MYO3B: variants seen among roughly 807,000 people sequenced by gnomAD.
The protein encoded by MYO3B is myosin IIIB.
Under a neutral mutation model 174.6 loss-of-function variants are expected in MYO3B, and 156 were observed. That is an observed-to-expected ratio of 0.89 (90% CI 0.78 to 1.02). The LOEUF is 1.02. MYO3B is among the 50% of genes least tolerant of loss of function. The probability of loss-of-function intolerance (pLI) is 0.00; values close to 1 mark genes in which losing one functional copy is unlikely to be tolerated. For missense variants in MYO3B, 1,632 were observed against 1,639.4 expected (o/e 1.00, Z 0.08); for synonymous variants, 563 against 569.1 (o/e 0.99, Z 0.15).
chr2:170,366,372 C>A (rs1307658893), intron 8 of MYO3B, among the ~76,000 whole-genome samples: 2 of 152,070 alleles, frequency 1.3e-5, no homozygotes, highest in African/African-American at 4.8e-5. Flanking sequence ...GGGATCATAG[C>A]TCACTGCAAT....
At chr2:170,227,125 A>T (rs2092959954) in intron 6 of MYO3B, among the ~76,000 whole-genome samples, 1 of 152,180 alleles carries the variant, frequency 6.6e-6, no homozygotes, top group Non-Finnish European at 1.5e-5. Flanking sequence ...TCCTTGCCTG[A>T]TGGCCACTGA....
intron 22 of MYO3B, among the ~76,000 whole-genome samples, chr2:170,425,093 C>T (rs1416003055): frequency 6.6e-6 from 1 of 152,136 alleles, no homozygotes; most frequent in Admixed American, 6.5e-5. Flanking sequence ...CATTTCCCTC[C>T]CTTAGTAACA....
chr2:170,331,064 A>G (rs2093908634), intron 7 of MYO3B, among the ~76,000 whole-genome samples: 1 of 152,174 alleles, frequency 6.6e-6, no homozygotes, highest in Non-Finnish European at 1.5e-5. Context: ...AATTAGGGAG[A>G]GTATTCTAAA....
intron 32 of MYO3B, among the ~76,000 whole-genome samples, chr2:170,606,277 T>G (rs1321495346): frequency 6.6e-6 from 1 of 152,234 alleles, no homozygotes; most frequent in Non-Finnish European, 1.5e-5. Flanking sequence ...ACTCCATTTC[T>G]TCAGCTTTAC....
At chr2:170,622,853 C>T (rs919047518) in intron 32 of MYO3B, among the ~76,000 whole-genome samples, 1 of 151,418 alleles carries the variant, frequency 6.6e-6, no homozygotes, top group Non-Finnish European at 1.5e-5. Flanking sequence ...AGGGTTTGCT[C>T]AGAATGATGG....
rs1043883178 is a variant in MYO3B at position 170,219,571 on chromosome 2, G to C, written c.603+2176G>C. ...AGGCAGGAGAATTGTTTGAACCCGG[G>C]AGGCAGAGGTTGCAGTGAGCAGAGA... On this transcript the variant is annotated intron_variant, in intron 6 of 34. Transcript: ENST00000408978. 2.6e-5 allele frequency among the ~76,000 whole-genome samples: 4 copies of C among 151,956 alleles called. No homozygotes were observed. In the East Asian group the frequency reaches 7.7e-4, roughly 29 times the overall value.
At chr2:170,627,437 T>A (rs1470139791) in intron 32 of MYO3B, among the ~76,000 whole-genome samples, 1 of 152,176 alleles carries the variant, frequency 6.6e-6, no homozygotes, top group South Asian at 2.1e-4. Context: ...TTGGTTATTC[T>A]AGTTAGCCAT....
intron 25 of MYO3B, among the ~76,000 whole-genome samples, chr2:170,477,928 CCTT>C (rs2106001218): frequency 6.6e-6 from 1 of 152,234 alleles, no homozygotes; most frequent in African/African-American, 2.4e-5. Context: ...CACCTTCTGA[CCTT>C]CTTTCATCCC....
chr2:170,212,235 C>T (rs1374490953), intron 3 of MYO3B, among the ~76,000 whole-genome samples: 1 of 123,646 alleles, frequency 8.1e-6, no homozygotes, highest in African/African-American at 3.2e-5. Context: ...AACAGTGAAA[C>T]TCCCTCTCAA....
intron 32 of MYO3B, among the ~76,000 whole-genome samples, chr2:170,593,149 G>T (rs915425196): frequency 1.3e-5 from 2 of 152,154 alleles, no homozygotes; most frequent in Non-Finnish European, 1.5e-5. Context: ...CCAGGGTGGA[G>T]TGTAGTGGCA....
intron 26 of MYO3B, 134 bp downstream of exon 26, chr2:170,498,837 G>T: frequency 1.6e-6 from 1 of 616,708 alleles, no homozygotes; most frequent in Admixed American, 2.8e-5. Context: ...GGTCTTTGCT[G>T]GTATTAAGTC....
At chr2:170,450,750 A>G (rs904332849) in intron 23 of MYO3B, among the ~76,000 whole-genome samples, 1 of 152,230 alleles carries the variant, frequency 6.6e-6, no homozygotes, top group African/African-American at 2.4e-5. Context: ...GTTTGACCAT[A>G]AGGTAAGATT....
intron 1 of MYO3B, among the ~76,000 whole-genome samples, chr2:170,195,529 A>G (rs2092589672): frequency 6.6e-6 from 1 of 152,026 alleles, no homozygotes; most frequent in South Asian, 2.1e-4. Flanking sequence ...AAATCCCCGC[A>G]TTCACCATCC....
At chr2:170,536,529 G>A (rs1181255374) in intron 30 of MYO3B, among the ~76,000 whole-genome samples, 2 of 152,118 alleles carry the variant, frequency 1.3e-5, no homozygotes, top group Non-Finnish European at 2.9e-5. Flanking sequence ...ATTCCTTCTT[G>A]TTTCCCTTAT....
intron 22 of MYO3B, chr2:170,412,510 A>G (rs1315530914): frequency 6.6e-6 from 1 of 152,210 alleles, no homozygotes; most frequent in Non-Finnish European, 1.5e-5. Context: ...AAAATCAACA[A>G]TAAAGTATCT....
At chr2:170,548,175 A>G (rs1214513882) in intron 32 of MYO3B, among the ~76,000 whole-genome samples, 2 of 148,216 alleles carry the variant, frequency 1.3e-5, no homozygotes, top group Non-Finnish European at 3.0e-5. Context: ...GTGGTGAGCC[A>G]GTTCACCATG....
chr2:170,646,686 G>A (rs535180882), intron 32 of MYO3B, among the ~76,000 whole-genome samples: 24 of 152,286 alleles, frequency 1.6e-4, no homozygotes, highest in African/African-American at 5.8e-4. Flanking sequence ...GTGAGCCACC[G>A]TGCCCAGCCA....
chr2:170,384,040 T>A (rs2048987), intron 12 of MYO3B: 164,541 of 460,908 alleles, frequency 0.36, 34,402 homozygotes, highest in East Asian at 0.8. Context: ...TCACATGAGG[T>A]GCGCTCATTT....
At chr2:170,305,733 A>G (rs1194095385) in intron 7 of MYO3B, among the ~76,000 whole-genome samples, 4 of 152,112 alleles carry the variant, frequency 2.6e-5, no homozygotes, top group Non-Finnish European at 4.4e-5. Context: ...GGGACCATTA[A>G]CAAATAAATA....
Sources: allele counts gnomAD v4.1 joint callset (sites outside exome capture counted in the v4.1 genomes callset), GRCh38; gene constraint gnomAD v4.1.1; transcripts MANE v1.5; gene names NCBI Gene and HGNC (gene_info 2026-07-23, HGNC 2026-07-21).